C1orf141: variants seen among roughly 807,000 people sequenced by gnomAD.
C1orf141 encodes uncharacterized protein C1orf141.
Under a neutral mutation model 23.2 loss-of-function variants are expected in C1orf141, and 19 were observed. The observed-to-expected ratio is 0.82, with a 90% CI of 0.57 to 1.20. The LOEUF (loss-of-function observed/expected upper bound fraction) is 1.20. Among genes scored for constraint, C1orf141 ranks in the 50% most tolerant of loss-of-function variants. C1orf141 has a pLI of 0.00. For missense variants in C1orf141, 469 were observed against 455.1 expected (o/e 1.03, Z -0.28); for synonymous variants, 153 against 154.6 (o/e 0.99, Z 0.08).
chr1:67,100,236 G>A (rs1479631077), intron 5 of C1orf141, among the ~76,000 whole-genome samples: 1 of 151,930 alleles, frequency 6.6e-6, no homozygotes, highest in East Asian at 1.9e-4. Context: ...TCTCAGTGTT[G>A]GATACCTGTT....
chr1:67,104,175 A>G (rs1161823822), intron 5 of C1orf141, among the ~76,000 whole-genome samples: 1 of 152,186 alleles, frequency 6.6e-6, no homozygotes, highest in Admixed American at 6.5e-5. Flanking sequence ...ACCAATCAAT[A>G]CAATCTACAA....
intron 1 of C1orf141, among the ~76,000 whole-genome samples, chr1:67,134,584 C>T (rs1646565726): frequency 6.6e-6 from 1 of 152,200 alleles, no homozygotes; most frequent in Non-Finnish European, 1.5e-5. Context: ...CTCCATCTCG[C>T]TGGAAACATA....
intron 4 of C1orf141, among the ~76,000 whole-genome samples, chr1:67,120,523 C>T (rs1646277225): frequency 6.6e-6 from 1 of 151,964 alleles, no homozygotes; most frequent in African/African-American, 2.4e-5. Context: ...GTCTAAATGC[C>T]CAAAGTTATG....
rs11336462 is a variant in C1orf141 at position 67,125,928 on chromosome 1, GAAAA to G, written c.76-23_76-20del. ...TGTTTATCTGCAGCAATGCCAAAGT[GAAAA>G]AAAAAAAAAAAAAAAGAGTACTTTT... On this transcript the variant is annotated intron_variant, in intron 3 of 7. Coordinates refer to ENST00000684719, the MANE Select transcript of C1orf141 (RefSeq NM_001276351.2). 6.0e-3 allele frequency: 7,041 copies of G among 1,167,782 alleles called. No homozygotes were observed. Among genetic ancestry groups the G allele is most frequent in the East Asian group, 0.015 (471 of 30,412 alleles). The allele number at this position is 1,167,782 out of a possible 1,614,324, so 72.3% of individuals were successfully genotyped here. A position where few individuals can be genotyped will look rare whatever the true frequency, so the allele number is the denominator to read the frequency against.
chr1:67,097,081 G>A (rs1645696840), intron 5 of C1orf141, among the ~76,000 whole-genome samples: 1 of 151,932 alleles, frequency 6.6e-6, no homozygotes, highest in South Asian at 2.1e-4. Flanking sequence ...AGTAAACAAG[G>A]GGCATGGTGG....
chr1:67,108,988 G>A (rs1646000244), intron 5 of C1orf141, among the ~76,000 whole-genome samples: 1 of 152,234 alleles, frequency 6.6e-6, no homozygotes, highest in African/African-American at 2.4e-5. Context: ...TGGTGGGAAT[G>A]TAAACTAGTA....
chr1:67,137,668 C>T (rs572391079), upstream of C1orf141, among the ~76,000 whole-genome samples: 24 of 152,302 alleles, frequency 1.6e-4, no homozygotes, highest in South Asian at 2.5e-3. Context: ...TCTCATATGA[C>T]TCAAGGTCTC....
At chr1:67,140,916 C>A (rs1181195491) in intron 1 of C1orf141, among the ~76,000 whole-genome samples, 2 of 152,028 alleles carry the variant, frequency 1.3e-5, no homozygotes, top group Non-Finnish European at 1.5e-5. Flanking sequence ...TGATCAAGAT[C>A]ACAAATCTAG....
At position 67,093,205 on chromosome 1, in the gene C1orf141, C is replaced by T. The variant is rs781599928; in HGVS notation, c.1003G>A (p.Ala335Thr). 1.1e-5 allele frequency: 18 copies of T among 1,613,738 alleles called. No individual in the cohort carries two copies. The highest frequency in any genetic ancestry group is 1.5e-5 in the Non-Finnish European group (18 of 1,179,838). ...TKQFVGYLDK[A>T]VIHEMSAQTG... is the part of the protein sequence containing the mutation. ...TGGGCACTCATTTCATGAATAACAG[C>T]TTTATCAAGGTAACCCACAAATTGT... Residue 335 changes from alanine to threonine, a missense_variant, in exon 8 of 8, where the codon GCT becomes ACT. By Grantham distance (58) the Ala-to-Thr change is moderately conservative. Transcript: ENST00000684719.
intron 4 of C1orf141, among the ~76,000 whole-genome samples, chr1:67,124,972 C>CT (rs1646376087): frequency 6.6e-6 from 1 of 152,192 alleles, no homozygotes; most frequent in Non-Finnish European, 1.5e-5. Context: ...CTTTGTACTT[C>CT]TTTTTTCTGA....
chr1:67,126,419 G>A lies in C1orf141; in HGVS notation c.76-510C>T, dbSNP rs1052921112. ...AAGAAAAAGGATCTAGCTAAAAGGT[G>A]AGTAAAGGAGCCGAAAGTTTTCTCT... On this transcript the variant is annotated intron_variant, in intron 3 of 7. Coordinates refer to ENST00000684719, the MANE Select transcript of C1orf141 (RefSeq NM_001276351.2). 2.0e-5 allele frequency among the ~76,000 whole-genome samples: 3 copies of A among 152,288 alleles called. No homozygotes were observed. In the South Asian group the frequency reaches 6.2e-4, roughly 32 times the overall value.
chr1:67,106,531 C>T (rs1645930850), intron 5 of C1orf141, among the ~76,000 whole-genome samples: 1 of 151,952 alleles, frequency 6.6e-6, no homozygotes, highest in African/African-American at 2.4e-5. Context: ...TGGTGGCACA[C>T]GTCTGTAGTC....
At chr1:67,136,390 A>G (rs1158092121), upstream of C1orf141, among the ~76,000 whole-genome samples, 1 of 152,096 alleles carries the variant, frequency 6.6e-6, no homozygotes, top group Non-Finnish European at 1.5e-5. Flanking sequence ...TACATTCAGG[A>G]ACAATGGTTT....
chr1:67,117,113 A>C (rs1409688121), intron 4 of C1orf141, among the ~76,000 whole-genome samples: 3 of 152,116 alleles, frequency 2.0e-5, no homozygotes, highest in Non-Finnish European at 4.4e-5. Context: ...TACATAGTAC[A>C]TGTTTAATAT....
intron 4 of C1orf141, among the ~76,000 whole-genome samples, chr1:67,125,551 T>C (rs181505522): frequency 5.3e-5 from 8 of 151,994 alleles, no homozygotes; most frequent in Non-Finnish European, 1.2e-4. Flanking sequence ...TACAAAAAAT[T>C]AGCTGGGCAT....
chr1:67,113,869 AT>A, intron 5 of C1orf141: 1 of 398,222 alleles, frequency 2.5e-6, no homozygotes, highest in South Asian at 2.0e-5. Context: ...TAGATTGAAT[AT>A]TTTTTAAAGT....
At chr1:67,139,488 A>T (rs1002773098), upstream of C1orf141, among the ~76,000 whole-genome samples, 9 of 152,182 alleles carry the variant, frequency 5.9e-5, no homozygotes, top group African/African-American at 2.2e-4. Flanking sequence ...AAGAAAACTC[A>T]TATTCACAAA....
At position 67,092,439 on chromosome 1, in the gene C1orf141, A is replaced by G. The variant is rs1645576352; in HGVS notation, c.*566T>C. Reference sequence around the variant, plus strand: ...TATTTAACAATTTAGAAAAAAGTTAAAGTTTGCAAAAACATTATATAATAA... The same window carrying G: ...TATTTAACAATTTAGAAAAAAGTTAGAGTTTGCAAAAACATTATATAATAA... On this transcript the variant is annotated 3_prime_UTR_variant, in exon 8 of 8. Transcript: ENST00000684719. 6.6e-6 allele frequency: 1 copy of G among 152,242 alleles called. No individual in the cohort carries two copies. The highest frequency in any genetic ancestry group is 2.4e-5 in the African/African-American group (1 of 41,470). 9.4% of individuals were successfully genotyped at this position (152,242 alleles called of 1,614,324 possible). A position where few individuals can be genotyped will look rare whatever the true frequency, so the allele number is the denominator to read the frequency against.
chr1:67,132,522 A>G (rs34017352), intron 1 of C1orf141, among the ~76,000 whole-genome samples: 1 of 137,782 alleles, frequency 7.3e-6, no homozygotes, highest in South Asian at 2.2e-4. Context: ...TCTCCATTTC[A>G]AAAAAAAAAA....
Sources: allele counts gnomAD v4.1 joint callset (sites outside exome capture counted in the v4.1 genomes callset), GRCh38; gene constraint gnomAD v4.1.1; transcripts MANE v1.5; gene names NCBI Gene and HGNC (gene_info 2026-07-23, HGNC 2026-07-21).